Variants in RECK observed in about 807,000 individuals in gnomAD.
RECK encodes the protein reversion-inducing cysteine-rich protein with Kazal motifs.
In RECK, 69 loss-of-function variants were observed where a neutral mutation model predicts 115.1. That is an observed-to-expected ratio of 0.60 (90% CI 0.49 to 0.73). The LOEUF is 0.73. RECK is among the 30% of genes least tolerant of loss of function. The probability of loss-of-function intolerance (pLI) is 0.00; values close to 1 mark genes in which losing one functional copy is unlikely to be tolerated. For synonymous variants in RECK, 414 were observed against 419.7 expected (o/e 0.99, Z 0.17); for missense variants, 1,047 against 1,203.7 (o/e 0.87, Z 1.93).
chr9:36,107,616 A>C (rs1823875210), intron 13 of RECK, among the ~76,000 whole-genome samples: 1 of 152,070 alleles, frequency 6.6e-6, no homozygotes, highest in Non-Finnish European at 1.5e-5. Context: ...AAAAAAAAAA[A>C]AAAAAAATAC....
At chr9:36,120,769 T>C (rs1165406805) in intron 19 of RECK, 33 bp downstream of exon 19, 1 of 1,335,346 alleles carries the variant, frequency 7.5e-7, no homozygotes, top group African/African-American at 1.4e-5. Context: ...GCTATTGAAA[T>C]CTTATTGCTA....
intron 12 of RECK, among the ~76,000 whole-genome samples, chr9:36,104,326 ATTTTTTTTTTTTTTTTTT>A (rs869033299): frequency 7.3e-5 from 2 of 27,514 alleles, no homozygotes; most frequent in African/African-American, 2.1e-4. Context: ...ATATATATAT[ATTTTTTTTTTTTTTTTTT>A]TTTTTTTTTT....
chr9:36,060,246 A>C, intron 4 of RECK, 91 bp downstream of exon 4: 1 of 1,301,862 alleles, frequency 7.7e-7, no homozygotes, highest in East Asian at 2.3e-5. Flanking sequence ...AACCTAATTT[A>C]TACTCTGGAG....
At chr9:36,046,254 T>C (rs1821069303) in intron 1 of RECK, among the ~76,000 whole-genome samples, 2 of 152,206 alleles carry the variant, frequency 1.3e-5, no homozygotes. Context: ...GAGTTTTGTT[T>C]TGTTTTGTTG....
intron 5 of RECK, among the ~76,000 whole-genome samples, chr9:36,064,774 CTTG>C (rs1821920624): frequency 6.7e-6 from 1 of 148,940 alleles, no homozygotes; most frequent in African/African-American, 2.5e-5. Context: ...CATTCTTCTT[CTTG>C]TTCTCCCTGT....
chr9:36,104,064 C>T (rs1004732764), intron 12 of RECK, among the ~76,000 whole-genome samples: 3 of 151,546 alleles, frequency 2.0e-5, no homozygotes, highest in Non-Finnish European at 2.9e-5. Context: ...CCATGATTTC[C>T]GAAGTTAAAT....
At position 36,069,262 on chromosome 9, in the gene RECK, G is replaced by A. The variant is rs147622808; in HGVS notation, c.405+3638G>A. Reference sequence around the variant, plus strand: ...GGCTTACAAATATGAAGAGCAGGCCGGGTGCGGTGGCTCACACCTGTAATC... The same window carrying A: ...GGCTTACAAATATGAAGAGCAGGCCAGGTGCGGTGGCTCACACCTGTAATC... On this transcript the variant is annotated intron_variant, in intron 6 of 20. Transcript: ENST00000377966. Among the ~76,000 whole-genome samples, 59 of 152,146 alleles carry A rather than the reference G, an allele frequency of 3.9e-4. 1 individual carries two copies. In the East Asian group the frequency reaches 6.6e-3, roughly 17 times the overall value.
intron 2 of RECK, 23 bp from the exon 3 acceptor site, chr9:36,058,804 A>AAT: frequency 6.7e-7 from 1 of 1,503,338 alleles, no homozygotes; most frequent in East Asian, 2.4e-5. Context: ...TGCCACAAAA[A>AAT]CTTTTTTTTT....
intron 2 of RECK, among the ~76,000 whole-genome samples, chr9:36,057,949 T>G (rs901703748): frequency 4.0e-5 from 6 of 151,554 alleles, no homozygotes; most frequent in African/African-American, 1.5e-4. Flanking sequence ...AAAACCACAA[T>G]GAGATACCAT....
intron 1 of RECK, among the ~76,000 whole-genome samples, chr9:36,049,883 C>T (rs1821218534): frequency 6.6e-6 from 1 of 152,224 alleles, no homozygotes; most frequent in Non-Finnish European, 1.5e-5. Context: ...TCAATATCTT[C>T]CACATTGCCA....
chr9:36,109,947 T>C lies in RECK; in HGVS notation c.1766-10T>C. On this transcript the variant is annotated splice_polypyrimidine_tract_variant and intron_variant, in intron 14 of 20. Coordinates refer to ENST00000377966, the MANE Select transcript of RECK (RefSeq NM_021111.3). ...GATATAGATCAACATTTTCTTTCTG[T>C]TTCTGTCAGGTCATGGAACATCCTT... The C allele has an allele frequency of 6.2e-7, 1 of 1,602,768 alleles. No homozygotes were observed. The highest frequency in any genetic ancestry group is 8.5e-7 in the Non-Finnish European group (1 of 1,169,980).
intron 6 of RECK, among the ~76,000 whole-genome samples, chr9:36,076,598 T>G (rs927501447): frequency 1.3e-5 from 2 of 152,190 alleles, no homozygotes; most frequent in Non-Finnish European, 2.9e-5. Flanking sequence ...ATATTGGAGC[T>G]GACATCTACC....
rs766876253 is a variant in RECK at position 36,122,883 on chromosome 9, G to A, written c.2754G>A (p.Pro918=). ...KIESLINSDS[P]TLASHVPLSA... Reference sequence around the variant, plus strand: ...AGTCCCTTATCAACTCTGACAGCCCGACTTTGGCGTCCCATGTCCCTCTCT... The same window carrying A: ...AGTCCCTTATCAACTCTGACAGCCCAACTTTGGCGTCCCATGTCCCTCTCT... The change falls in exon 21 of 21, where the codon CCG becomes CCA. Residue 918 remains proline (P), a synonymous_variant. Transcript: ENST00000377966. The A allele has an allele frequency of 2.0e-5, 32 of 1,614,058 alleles. No individual in the cohort carries two copies. The highest frequency in any genetic ancestry group is 3.3e-5 in the Admixed American group (2 of 60,004).
At position 36,123,248 on chromosome 9, in the gene RECK, A is replaced by C; in HGVS notation, c.*203A>C. On this transcript the variant is annotated 3_prime_UTR_variant, in exon 21 of 21. Coordinates refer to ENST00000377966, the MANE Select transcript of RECK (RefSeq NM_021111.3). ...TACAAATGTTAAAATGTGTTGTTCCAAATACTAATGAAAACAGAATGTCTC... is the reference window on the plus strand; with the variant it reads ...TACAAATGTTAAAATGTGTTGTTCCCAATACTAATGAAAACAGAATGTCTC... The C allele has an allele frequency of 1.9e-6, 1 of 526,770 alleles. No homozygotes were observed. Among genetic ancestry groups the C allele is most frequent in the Non-Finnish European group, 3.3e-6 (1 of 299,824 alleles). The allele number at this position is 526,770 out of a possible 1,614,324, so 32.6% of individuals were successfully genotyped here. A position where few individuals can be genotyped will look rare whatever the true frequency, so the allele number is the denominator to read the frequency against.
chr9:36,114,313 C>A (rs572289669), intron 16 of RECK, among the ~76,000 whole-genome samples: 41 of 152,288 alleles, frequency 2.7e-4, no homozygotes, highest in Non-Finnish European at 3.8e-4. Context: ...AATGCTTAAC[C>A]TTCTTCATGT....
In RECK at chr9:36,080,653, C is replaced by A; in HGVS notation, c.439+15C>A. 1 of 1,608,030 alleles carries A rather than the reference C, an allele frequency of 6.2e-7. No individual in the cohort carries two copies. Among genetic ancestry groups the A allele is most frequent in the South Asian group, 1.1e-5 (1 of 90,630 alleles). Reference sequence around the variant, plus strand: ...CAGAAATGAAAGTAAGTATATTTGTCAATGGTTGTACAAACAGTCCAAAGA... The same window carrying A: ...CAGAAATGAAAGTAAGTATATTTGTAAATGGTTGTACAAACAGTCCAAAGA... On this transcript the variant is annotated intron_variant, in intron 7 of 20. Coordinates refer to ENST00000377966, the MANE Select transcript of RECK (RefSeq NM_021111.3).
At chr9:36,105,103 C>G (rs940124843) in intron 12 of RECK, 40 bp from the exon 13 acceptor site, 39 of 1,573,104 alleles carry the variant, frequency 2.5e-5, no homozygotes, top group Non-Finnish European at 3.4e-5. Context: ...TTCTCTTACT[C>G]TTTTAGGTTG....
At chr9:36,084,138 G>A (rs958462212) in intron 8 of RECK, among the ~76,000 whole-genome samples, 2 of 152,162 alleles carry the variant, frequency 1.3e-5, no homozygotes, top group African/African-American at 4.8e-5. Flanking sequence ...GCTCATGCCT[G>A]TAATCCCAGC....
intron 9 of RECK, among the ~76,000 whole-genome samples, chr9:36,090,570 A>G (rs1474305379): frequency 6.6e-6 from 1 of 152,228 alleles, no homozygotes; most frequent in Non-Finnish European, 1.5e-5. Flanking sequence ...TTTTAGCTAT[A>G]TACACATACT....
Sources: gnomAD v4.1 joint callset for allele counts (sites outside exome capture counted in the v4.1 genomes callset) on GRCh38, gnomAD v4.1.1 for gene constraint, MANE v1.5 for transcripts, NCBI Gene and HGNC (gene_info 2026-07-23, HGNC 2026-07-21) for gene names.